Variants in NME7 observed in about 807,000 individuals in gnomAD.
The protein encoded by NME7 is NME/NM23 family member 7.
A neutral mutation model predicts 49.1 loss-of-function variants in NME7; 41 were observed. That is an observed-to-expected ratio of 0.83 (90% CI 0.65 to 1.08). NME7 has a LOEUF of 1.08. NME7 is among the 50% of genes least tolerant of loss of function. The pLI, the probability that NME7 is intolerant of heterozygous loss-of-function variation, is 0.00. For synonymous variants in NME7, 139 were observed against 150.6 expected (o/e 0.92, Z 0.56); for missense variants, 423 against 463.4 (o/e 0.91, Z 0.80).
At chr1:169,201,234 A>ATT (rs1408443990) in intron 10 of NME7, among the ~76,000 whole-genome samples, 3 of 152,162 alleles carry the variant, frequency 2.0e-5, no homozygotes, top group Non-Finnish European at 2.9e-5. Context: ...GTCTCAATAA[A>ATT]TAAATAAATA....
chr1:169,161,653 C>T (rs1156934553), intron 11 of NME7, among the ~76,000 whole-genome samples: 1 of 152,224 alleles, frequency 6.6e-6, no homozygotes, highest in African/African-American at 2.4e-5. Flanking sequence ...CACAGACTGG[C>T]TGTCTTCACT....
chr1:169,246,578 T>C (rs770851312), intron 7 of NME7, among the ~76,000 whole-genome samples: 23 of 152,148 alleles, frequency 1.5e-4, no homozygotes, highest in Non-Finnish European at 2.9e-4. Flanking sequence ...CCTTACAAGG[T>C]AGTAAAAAGA....
At chr1:169,152,258 G>A (rs2101823096) in intron 11 of NME7, among the ~76,000 whole-genome samples, 1 of 152,092 alleles carries the variant, frequency 6.6e-6, no homozygotes, top group African/African-American at 2.4e-5. Flanking sequence ...ATATTTAATT[G>A]AATACTTCCT....
chr1:169,338,687 T>C (rs993540361), intron 1 of NME7, among the ~76,000 whole-genome samples: 2 of 152,146 alleles, frequency 1.3e-5, no homozygotes, highest in African/African-American at 4.8e-5. Flanking sequence ...CCTTTAGACA[T>C]CTCAAAGAAA....
intron 4 of NME7, chr1:169,303,455 CTTTTT>C: frequency 5.4e-5 from 6 of 111,944 alleles, no homozygotes; most frequent in Non-Finnish European, 1.1e-4. Flanking sequence ...CTATCTTCTT[CTTTTT>C]TTTTTTTTTT....
At chr1:169,315,430 A>C (rs1651584745) in intron 3 of NME7, among the ~76,000 whole-genome samples, 1 of 151,910 alleles carries the variant, frequency 6.6e-6, no homozygotes, top group African/African-American at 2.4e-5. Flanking sequence ...CGGCCGGCTA[A>C]TTTTTGTAAT....
At chr1:169,243,253 T>C (rs1279879672) in intron 7 of NME7, among the ~76,000 whole-genome samples, 1 of 134,018 alleles carries the variant, frequency 7.5e-6, no homozygotes, top group Non-Finnish European at 1.6e-5. Flanking sequence ...GTCCAACTGA[T>C]TTTTTACAAA....
Position 169,277,136 on chromosome 1 carries a change from G to A in NME7, c.754+10167C>T, listed in dbSNP as rs546433090. Among the ~76,000 whole-genome samples, 68 of 150,554 alleles carry A rather than the reference G, an allele frequency of 4.5e-4. 2 individuals carry two copies. The highest frequency in any genetic ancestry group is 1.6e-3 in the African/African-American group (66 of 41,154). Reference sequence around the variant, plus strand: ...TGTGGTCAATTTTGGAATAGGTGTGGGGTGGTGCTGAAAATATGTATATTC... The same window carrying A: ...TGTGGTCAATTTTGGAATAGGTGTGAGGTGGTGCTGAAAATATGTATATTC... On this transcript the variant is annotated intron_variant, in intron 7 of 11. Coordinates refer to ENST00000367811, the MANE Select transcript of NME7 (RefSeq NM_013330.5).
intron 10 of NME7, among the ~76,000 whole-genome samples, chr1:169,173,795 T>C (rs1230656039): frequency 6.6e-6 from 1 of 152,174 alleles, no homozygotes; most frequent in Non-Finnish European, 1.5e-5. Context: ...CCACGCATAG[T>C]TCCCCTCCCT....
chr1:169,239,798 GGT>G (rs2101831340), intron 7 of NME7, among the ~76,000 whole-genome samples: 1 of 152,056 alleles, frequency 6.6e-6, no homozygotes, highest in Admixed American at 6.6e-5. Context: ...ATTAAGCAAA[GGT>G]AAGGAGATGT....
At chr1:169,295,067 G>A (rs1007567770) in intron 6 of NME7, among the ~76,000 whole-genome samples, 1 of 152,102 alleles carries the variant, frequency 6.6e-6, no homozygotes, top group Non-Finnish European at 1.5e-5. Flanking sequence ...TGTGATCTGT[G>A]CACACGCAGG....
intron 11 of NME7, among the ~76,000 whole-genome samples, chr1:169,152,168 C>T (rs1392113328): frequency 1.3e-5 from 2 of 152,026 alleles, no homozygotes; most frequent in Admixed American, 6.6e-5. Flanking sequence ...TCCTTTGACT[C>T]TACTATATTT....
At chr1:169,208,868 A>T (rs1050933073) in intron 10 of NME7, among the ~76,000 whole-genome samples, 3 of 152,094 alleles carry the variant, frequency 2.0e-5, no homozygotes, top group Non-Finnish European at 4.4e-5. Context: ...AAAGATCCAT[A>T]GATTTACAGG....
At chr1:169,181,798 T>C (rs1011252953) in intron 10 of NME7, among the ~76,000 whole-genome samples, 2 of 152,184 alleles carry the variant, frequency 1.3e-5, no homozygotes, top group Non-Finnish European at 2.9e-5. Flanking sequence ...GTGACTTGTC[T>C]TCAGCATTTA....
intron 6 of NME7, among the ~76,000 whole-genome samples, chr1:169,289,751 G>A (rs1650427017): frequency 6.6e-6 from 1 of 151,974 alleles, no homozygotes; most frequent in South Asian, 2.1e-4. Context: ...ATTTACCTAT[G>A]CTGAATAAAT....
intron 10 of NME7, among the ~76,000 whole-genome samples, chr1:169,228,728 A>G (rs1027437928): frequency 4.6e-5 from 7 of 151,070 alleles, no homozygotes; most frequent in Non-Finnish European, 7.4e-5. Flanking sequence ...CCTCTTGCCC[A>G]TCAAACAGAA....
chr1:169,216,911 AT>A (rs1239591106), intron 10 of NME7, among the ~76,000 whole-genome samples: 1 of 152,058 alleles, frequency 6.6e-6, no homozygotes, highest in Admixed American at 6.6e-5. Flanking sequence ...AGAATAACAG[AT>A]TTTTTTTGTT....
At chr1:169,328,775 A>T (rs1652156032) in intron 1 of NME7, among the ~76,000 whole-genome samples, 1 of 152,092 alleles carries the variant, frequency 6.6e-6, no homozygotes, top group Admixed American at 6.6e-5. Flanking sequence ...TTTAGTAACA[A>T]TTTTCTTTTT....
At chr1:169,238,477 GCACA>G (rs138287537) in intron 7 of NME7, among the ~76,000 whole-genome samples, 2,716 of 124,098 alleles carry the variant, frequency 0.022, 74 homozygotes, top group African/African-American at 0.065. Flanking sequence ...ATGCACAAAG[GCACA>G]CACACACACA....
Sources: gnomAD v4.1 joint callset for allele counts (sites outside exome capture counted in the v4.1 genomes callset) on GRCh38, gnomAD v4.1.1 for gene constraint, MANE v1.5 for transcripts, NCBI Gene and HGNC (gene_info 2026-07-23, HGNC 2026-07-21) for gene names.